IGF2R: variants seen among roughly 807,000 people sequenced by gnomAD.
IGF2R encodes the protein insulin like growth factor 2 receptor, also known as cation-independent mannose-6-phosphate receptor.
Under a neutral mutation model 270.6 loss-of-function variants are expected in IGF2R, and 91 were observed. The ratio of observed to expected loss-of-function variants is 0.34; its 90% CI spans 0.28 to 0.40. The LOEUF is 0.40. Among genes scored for constraint, IGF2R ranks in the 10% least tolerant of loss-of-function variants. The pLI, the probability that IGF2R is intolerant of heterozygous loss-of-function variation, is 1.00. For synonymous variants in IGF2R, 1,316 were observed against 1,258.9 expected (o/e 1.05, Z -0.96); for missense variants, 2,805 against 3,188.3 (o/e 0.88, Z 2.90).
Position 160,061,535 on chromosome 6 carries a change from C to G in IGF2R, c.3295C>G (p.Leu1099Val). The change falls in exon 24 of 48, where the codon CTA becomes GTA. Residue 1099 changes from leucine to valine, a missense_variant. Physicochemically the swap from Leu to Val is conservative, Grantham distance 32 (BLOSUM62 1). Coordinates refer to ENST00000356956, the MANE Select transcript of IGF2R (RefSeq NM_000876.4). The stretch of plus-strand genomic sequence containing the variant: ...TGGAAATGAGTACGACCTGACTGGC[C>G]TAAGCACAGTCAGGAAACCTTGGAC... ...LAGNEYDLTGLSTVRKPWTAV... is the reference protein window; with the variant it reads ...LAGNEYDLTGVSTVRKPWTAV... The G allele has an allele frequency of 1.9e-6, 3 of 1,614,150 alleles. No homozygotes were observed. The highest frequency in any genetic ancestry group is 2.5e-6 in the Non-Finnish European group (3 of 1,180,014).
rs2297367 is a variant in IGF2R, at chr6:160,102,677, C to T, written c.6995+6C>T. The T allele has an allele frequency of 0.047, 74,838 of 1,590,632 alleles. 2,144 individuals are homozygous for T. Among genetic ancestry groups the T allele is most frequent in the African/African-American group, 0.099 (7,401 of 74,658 alleles). On this transcript the variant is annotated splice_donor_region_variant and intron_variant, in intron 46 of 47. Coordinates refer to ENST00000356956, the MANE Select transcript of IGF2R (RefSeq NM_000876.4). This position sits in a 1 kb window ranked among gnomAD's most constrained non-coding sequence, Gnocchi z 4.5. ...CTCTACAAGAAGGAGAGGAGGTAAG[C>T]GGGTGGCAGGGCGAGGTGGGGCGGG...
intron 7 of IGF2R, among the ~76,000 whole-genome samples, chr6:160,031,362 A>G (rs965168293): frequency 7.2e-5 from 11 of 152,044 alleles, no homozygotes; most frequent in African/African-American, 2.4e-4. Flanking sequence ...AGTTTTTTTT[A>G]AGTACAATTC....
chr6:159,976,398 T>G (rs1484318241), intron 1 of IGF2R, among the ~76,000 whole-genome samples: 2 of 152,134 alleles, frequency 1.3e-5, no homozygotes, highest in African/African-American at 4.8e-5. Flanking sequence ...TTAATTATAT[T>G]TACTAAAGAC....
chr6:160,033,102 C>A lies in IGF2R; in HGVS notation c.1206C>A (p.Thr402=), dbSNP rs755626160. 88 of 1,610,446 alleles carry A rather than the reference C, an allele frequency of 5.5e-5. 3 individuals are homozygous for A. In the South Asian group the frequency reaches 9.6e-4, roughly 18 times the overall value. Residue 402 remains threonine, a synonymous_variant, in exon 9 of 48, where the codon ACC becomes ACA. Coordinates refer to ENST00000356956, the MANE Select transcript of IGF2R (RefSeq NM_000876.4). ...CAGCAGGAAGATACCACAATCAGAC[C>A]CTCCGGTACGTCAACAACCTCTGTG... ...VKAAGRYHNQ[T]LRYSDGDLTL... is the part of the protein sequence containing the mutation.
intron 1 of IGF2R, among the ~76,000 whole-genome samples, chr6:159,983,235 C>T (rs900022237): frequency 6.6e-6 from 1 of 152,258 alleles, no homozygotes; most frequent in East Asian, 1.9e-4. Flanking sequence ...GGGTGGGTTT[C>T]GATTGCGGCC....
In IGF2R at chr6:160,110,079, T is replaced by C. The variant is rs2114752390; in HGVS notation, c.*4995T>C. Reference sequence around the variant, plus strand: ...TTGGTGTGAGACCTTTCAGAGTCTTTAAAGGAGAGTTGCTGACCACACGTG... The same window carrying C: ...TTGGTGTGAGACCTTTCAGAGTCTTCAAAGGAGAGTTGCTGACCACACGTG... On this transcript the variant is annotated 3_prime_UTR_variant, in exon 48 of 48. Transcript: ENST00000356956. 6.6e-6 allele frequency: 1 copy of C among 152,318 alleles called. No homozygotes were observed. The highest frequency in any genetic ancestry group is 2.4e-5 in the African/African-American group (1 of 41,574). The allele number at this position is 152,318 out of a possible 1,614,324, so 9.4% of individuals were successfully genotyped here.
At chr6:160,077,002 G>A (rs1426927668) in intron 36 of IGF2R, among the ~76,000 whole-genome samples, 2 of 152,160 alleles carry the variant, frequency 1.3e-5, no homozygotes, top group South Asian at 2.1e-4. Flanking sequence ...GGTTTGTAAA[G>A]GGACTGTTAG....
chr6:159,970,577 T>A (rs1783594664), intron 1 of IGF2R, among the ~76,000 whole-genome samples: 1 of 152,140 alleles, frequency 6.6e-6, no homozygotes, highest in Non-Finnish European at 1.5e-5. Flanking sequence ...AGGCCCATAT[T>A]TTTTATGCTC....
At position 160,045,632 on chromosome 6, in the gene IGF2R, T is replaced by G. The variant is rs376599885; in HGVS notation, c.1766-113T>G. 5 of 1,316,826 alleles carry G rather than the reference T, an allele frequency of 3.8e-6. No individual in the cohort carries two copies. The African/African-American group carries it at 4.3e-5, about 11-fold the overall frequency. The allele number at this position is 1,316,826 out of a possible 1,614,324, so 81.6% of individuals were successfully genotyped here. Reference sequence around the variant, plus strand: ...GCTGTTTTTTGACCCTTCTATGCATTATACCTCATTTCCCACTGTCCCTTC... The same window carrying G: ...GCTGTTTTTTGACCCTTCTATGCATGATACCTCATTTCCCACTGTCCCTTC... On this transcript the variant is annotated intron_variant, in intron 13 of 47. Transcript: ENST00000356956.
At chr6:159,997,757 C>G (rs1243165540) in intron 2 of IGF2R, among the ~76,000 whole-genome samples, 1 of 152,214 alleles carries the variant, frequency 6.6e-6, no homozygotes, top group Admixed American at 6.5e-5. Flanking sequence ...TCACCTGTAA[C>G]TTGGGTTCTT....
intron 20 of IGF2R, among the ~76,000 whole-genome samples, chr6:160,057,760 GTCT>G (rs768243614): frequency 1.5e-4 from 23 of 152,198 alleles, no homozygotes; most frequent in Admixed American, 7.9e-4. Flanking sequence ...AGTAGCAATA[GTCT>G]TCTTAGGGAA....
intron 43 of IGF2R, 95 bp from the exon 44 acceptor site, chr6:160,089,821 T>C (rs1363294649): frequency 1.2e-6 from 1 of 813,568 alleles, no homozygotes; most frequent in African/African-American, 1.8e-5. Flanking sequence ...GGAAGCATCC[T>C]GGGGCCCTGC....
chr6:160,037,917 T>C (rs977495897), intron 10 of IGF2R, among the ~76,000 whole-genome samples: 1 of 152,216 alleles, frequency 6.6e-6, no homozygotes, highest in African/African-American at 2.4e-5. Context: ...CAATTTGCTT[T>C]GTTTTATTTT....
At chr6:159,999,313 C>A (rs780775852) in intron 2 of IGF2R, among the ~76,000 whole-genome samples, 1 of 152,216 alleles carries the variant, frequency 6.6e-6, no homozygotes, top group Non-Finnish European at 1.5e-5. Context: ...ATCTTGGAGG[C>A]CTTCCTGGAA....
chr6:160,068,060 TGG>T (rs368684860), intron 29 of IGF2R, among the ~76,000 whole-genome samples, 187 bp from the exon 30 acceptor site: 45,213 of 117,566 alleles, frequency 0.38, 7,041 homozygotes, highest in Middle Eastern at 0.41. Context: ...CTGATTCTGA[TGG>T]GGGGTGTGTG....
chr6:160,072,287 A>G (rs923377511), intron 32 of IGF2R, among the ~76,000 whole-genome samples: 1 of 151,910 alleles, frequency 6.6e-6, no homozygotes, highest in African/African-American at 2.4e-5. Context: ...CTGGTGTGAG[A>G]GGTGCTCCTG....
At chr6:160,057,991 GC>G in intron 20 of IGF2R, 31 bp from the exon 21 acceptor site, 1 of 1,367,954 alleles carries the variant, frequency 7.3e-7, no homozygotes, top group South Asian at 1.2e-5. Flanking sequence ...TGGTTTGAAT[GC>G]GCCCCTTTTT....
chr6:159,975,441 C>T (rs1270032859), intron 1 of IGF2R, among the ~76,000 whole-genome samples: 1 of 151,918 alleles, frequency 6.6e-6, no homozygotes, highest in East Asian at 1.9e-4. Context: ...TTCAGGAGGT[C>T]AGCATTTCTT....
intron 12 of IGF2R, among the ~76,000 whole-genome samples, chr6:160,044,310 A>G (rs745713046): frequency 1.4e-4 from 21 of 152,016 alleles, no homozygotes; most frequent in Non-Finnish European, 2.6e-4. Flanking sequence ...TGTGGCTGTT[A>G]ATGTCTAGCC....
Sources: gnomAD v4.1 joint callset for allele counts (sites outside exome capture counted in the v4.1 genomes callset) on GRCh38, gnomAD v4.1.1 for gene constraint, Gnocchi (gnomAD v3.1) non-coding constraint, MANE v1.5 for transcripts, NCBI Gene and HGNC (gene_info 2026-07-23, HGNC 2026-07-21) for gene names.